Variants in ZNF44 observed in about 807,000 individuals in gnomAD.
ZNF44 encodes zinc finger protein 44.
Under a neutral mutation model 11.7 loss-of-function variants are expected in ZNF44, and 9 were observed. The observed-to-expected ratio is 0.77, with a 90% CI of 0.46 to 1.35. ZNF44 has a LOEUF of 1.35. Among genes scored for constraint, ZNF44 ranks in the 40% most tolerant of loss-of-function variants. ZNF44 has a pLI of 0.00. For synonymous variants in ZNF44, 224 were observed against 242.7 expected (o/e 0.92, Z 0.72); for missense variants, 696 against 743.1 (o/e 0.94, Z 0.74).
intron 5 of ZNF44, among the ~76,000 whole-genome samples, chr19:12,257,242 A>G (rs567263886): frequency 6.6e-6 from 1 of 152,322 alleles, no homozygotes; most frequent in South Asian, 2.1e-4. Flanking sequence ...CCACTTGTTC[A>G]TTGGATGGAA....
At chr19:12,245,503 T>C (rs1380908152), downstream of ZNF44, among the ~76,000 whole-genome samples, 1 of 152,188 alleles carries the variant, frequency 6.6e-6, no homozygotes, top group Non-Finnish European at 1.5e-5. Context: ...TGTTTTCACA[T>C]AGACTGTGTC....
chr19:12,272,366 A>C lies in ZNF44; in HGVS notation c.*41T>G. 5.4e-6 allele frequency: 8 copies of C among 1,481,792 alleles called. No individual in the cohort carries two copies. The highest frequency in any genetic ancestry group is 7.2e-6 in the Non-Finnish European group (8 of 1,117,574). The allele number at this position is 1,481,792 out of a possible 1,614,324, so 91.8% of individuals were successfully genotyped here. On this transcript the variant is annotated 3_prime_UTR_variant, in exon 4 of 4. Coordinates refer to ENST00000355684, the MANE Select transcript of ZNF44 (RefSeq NM_016264.4). Reference sequence around the variant, plus strand: ...GGATTTATTTCTTTCAAGTATCTGAATGTGATAAAACCAATGAATGCTTTC... The same window carrying C: ...GGATTTATTTCTTTCAAGTATCTGACTGTGATAAAACCAATGAATGCTTTC...
In ZNF44 at chr19:12,277,991, C is replaced by T. The variant is rs907419499; in HGVS notation, c.4-1909G>A. 2.0e-5 allele frequency among the ~76,000 whole-genome samples: 3 copies of T among 152,352 alleles called. No individual in the cohort carries two copies. In the South Asian group the frequency reaches 6.2e-4, roughly 32 times the overall value. On this transcript the variant is annotated intron_variant, in intron 1 of 3. Transcript: ENST00000355684. ...TTAGAAGGCCAGGTGTGGTGGCTCA[C>T]ACCTGTAATCCCAGTACTTTGGGAG...
chr19:12,227,746 A>AGT (rs1440623248), intron 3 of ZNF44, among the ~76,000 whole-genome samples: 12 of 152,242 alleles, frequency 7.9e-5, no homozygotes, highest in African/African-American at 2.9e-4. Context: ...GAATTATAGG[A>AGT]GTCTCCCATA....
At chr19:12,270,945 C>T (rs1255111257), downstream of ZNF44, among the ~76,000 whole-genome samples, 1 of 152,030 alleles carries the variant, frequency 6.6e-6, no homozygotes, top group East Asian at 1.9e-4. Context: ...TCAGGGGTTT[C>T]CCCAAGACTG....
chr19:12,284,539 TG>T, intron 1 of ZNF44: 1 of 703,670 alleles, frequency 1.4e-6, no homozygotes. Context: ...ATCTAGTCCC[TG>T]GAGGAGATCT....
intron 5 of ZNF44, among the ~76,000 whole-genome samples, chr19:12,264,171 T>C (rs1917636791): frequency 6.6e-6 from 1 of 152,168 alleles, no homozygotes; most frequent in African/African-American, 2.4e-5. Context: ...AGTATCACGC[T>C]GTTCCCCTCC....
intron 5 of ZNF44, among the ~76,000 whole-genome samples, chr19:12,255,736 G>A (rs776458727): frequency 6.6e-6 from 1 of 152,168 alleles, no homozygotes; most frequent in Non-Finnish European, 1.5e-5. Flanking sequence ...ACAAGAAGGG[G>A]GTGCTAAAGC....
At chr19:12,229,566 T>G (rs148382300) in intron 3 of ZNF44, among the ~76,000 whole-genome samples, 176 of 152,002 alleles carry the variant, frequency 1.2e-3, no homozygotes, top group African/African-American at 4.1e-3. Context: ...AATATACTCA[T>G]AGCTTGGAGG....
At chr19:12,264,358 C>T (rs931744741) in intron 5 of ZNF44, among the ~76,000 whole-genome samples, 1 of 152,198 alleles carries the variant, frequency 6.6e-6, no homozygotes, top group African/African-American at 2.4e-5. Context: ...TTAATTACTT[C>T]CCTTGGCAGA....
intron 2 of ZNF44, chr19:12,234,617 A>G (rs1388473317): frequency 1.3e-5 from 2 of 152,232 alleles, no homozygotes; most frequent in African/African-American, 4.8e-5. Flanking sequence ...ACTGATGGCC[A>G]AAAAGCACTT....
At chr19:12,236,194 C>G (rs1916380790) in intron 1 of ZNF44, among the ~76,000 whole-genome samples, 1 of 152,286 alleles carries the variant, frequency 6.6e-6, no homozygotes, top group Middle Eastern at 3.4e-3. Flanking sequence ...CATACAAACC[C>G]TAGAAGGGTT....
chr19:12,266,403 G>A (rs137910256), intron 5 of ZNF44: 11 of 944,174 alleles, frequency 1.2e-5, no homozygotes, highest in East Asian at 1.2e-4. Context: ...CGACCCGAGG[G>A]CGCCAAGGCG....
chr19:12,234,857 AT>A (rs1568420216), exon 2 of ZNF44: 1 of 152,462 alleles, frequency 6.6e-6, no homozygotes, highest in African/African-American at 2.4e-5. Flanking sequence ...TCTAGACTCA[AT>A]TCATGAGAGT....
chr19:12,279,150 A>G (rs531798851), intron 1 of ZNF44, among the ~76,000 whole-genome samples: 2 of 152,346 alleles, frequency 1.3e-5, no homozygotes, highest in South Asian at 4.1e-4. Flanking sequence ...CATGATCACA[A>G]GCTAAAGAAC....
At chr19:12,250,070 A>G (rs1916929658) in intron 6 of ZNF44, 1 of 1,260,108 alleles carries the variant, frequency 7.9e-7, no homozygotes, top group African/African-American at 1.6e-5. Flanking sequence ...AATTATCATA[A>G]ATTATTAGAA....
rs139888220 is a variant in ZNF44 at position 12,251,024 on chromosome 19, G to A, written c.1913-656C>T. 6.1e-3 allele frequency among the ~76,000 whole-genome samples: 929 copies of A among 151,840 alleles called. 9 individuals carry two copies. The highest frequency in any genetic ancestry group is 9.3e-3 in the Non-Finnish European group (634 of 67,916). ...GCAGATTATCTGAGCTCAAGAGTTCGAGACCAGCCTGGGCAACATGGTGAA... is the reference window on the plus strand; with the variant it reads ...GCAGATTATCTGAGCTCAAGAGTTCAAGACCAGCCTGGGCAACATGGTGAA... On this transcript the variant is annotated intron_variant and NMD_transcript_variant, in intron 5 of 7. Transcript: ENST00000393337.
chr19:12,243,549 T>C (rs1466708092), downstream of ZNF44, among the ~76,000 whole-genome samples: 2 of 152,242 alleles, frequency 1.3e-5, no homozygotes, highest in Admixed American at 6.5e-5. Flanking sequence ...CATCACACTT[T>C]CTTTATTCAT....
At chr19:12,248,580 G>T in exon 8 of ZNF44, 1 of 1,293,374 alleles carries the variant, frequency 7.7e-7, no homozygotes, top group African/African-American at 1.5e-5. Flanking sequence ...TCCTCCAGAA[G>T]GAGTTTTCTT....
Sources: gnomAD v4.1 joint callset for allele counts (sites outside exome capture counted in the v4.1 genomes callset) on GRCh38, gnomAD v4.1.1 for gene constraint, MANE v1.5 for transcripts, NCBI Gene and HGNC (gene_info 2026-07-23, HGNC 2026-07-21) for gene names.